Variants in DAPL1 observed in about 807,000 individuals in gnomAD.
DAPL1 encodes the protein death associated protein like 1, also known as death-associated protein-like 1.
DAPL1 carries 17 observed loss-of-function variants against 12.9 expected under a neutral mutation model. That is an observed-to-expected ratio of 1.32 (90% CI 0.90 to 1.98). The LOEUF is 1.98. Among genes scored for constraint, DAPL1 ranks in the 30% most tolerant of loss-of-function variants. DAPL1 has a pLI of 0.00. For synonymous variants in DAPL1, 51 were observed against 42.0 expected (o/e 1.21, Z -0.82); for missense variants, 157 against 125.7 (o/e 1.25, Z -1.19).
intron 2 of DAPL1, among the ~76,000 whole-genome samples, chr2:158,806,799 G>T (rs2059204281): frequency 6.6e-6 from 1 of 151,360 alleles, no homozygotes; most frequent in Non-Finnish European, 1.5e-5. Flanking sequence ...TCATACCATT[G>T]CACTCCAGCT....
At chr2:158,797,894 T>C (rs2059143812) in intron 1 of DAPL1, among the ~76,000 whole-genome samples, 1 of 152,210 alleles carries the variant, frequency 6.6e-6, no homozygotes, top group Non-Finnish European at 1.5e-5. Flanking sequence ...TATAATATAT[T>C]GCATCTCTGA....
At chr2:158,801,487 T>C (rs958190399) in intron 1 of DAPL1, among the ~76,000 whole-genome samples, 2 of 152,202 alleles carry the variant, frequency 1.3e-5, no homozygotes, top group Non-Finnish European at 2.9e-5. Flanking sequence ...ATTCCATGGC[T>C]ATTCAGAAAT....
intron 1 of DAPL1, among the ~76,000 whole-genome samples, chr2:158,800,119 T>G (rs560155740): frequency 3.2e-4 from 49 of 152,148 alleles, no homozygotes; most frequent in African/African-American, 1.2e-3. Context: ...CTTATGCTCT[T>G]TCCAAAGAGA....
chr2:158,815,843 G>T lies in DAPL1; in HGVS notation c.*22G>T. 6.5e-7 allele frequency: 1 copy of T among 1,543,576 alleles called. No individual in the cohort carries two copies. The highest frequency in any genetic ancestry group is 9.0e-7 in the Non-Finnish European group (1 of 1,115,572). ...TTAAGCCTGGATTTAAAACACAGCC[G>T]TCTGGCCAGCTGCCTCGAATATCTG... On this transcript the variant is annotated 3_prime_UTR_variant, in exon 4 of 4. Coordinates refer to ENST00000309950, the MANE Select transcript of DAPL1 (RefSeq NM_001017920.3).
intron 1 of DAPL1, among the ~76,000 whole-genome samples, chr2:158,803,497 G>C (rs1427195435): frequency 2.6e-5 from 4 of 152,210 alleles, no homozygotes; most frequent in African/African-American, 9.7e-5. Flanking sequence ...GAGCTTGTCA[G>C]ATTTTAGATG....
intron 3 of DAPL1, among the ~76,000 whole-genome samples, chr2:158,812,076 A>G (rs2059233971): frequency 6.6e-6 from 1 of 152,208 alleles, no homozygotes; most frequent in African/African-American, 2.4e-5. Context: ...TGACTGAGGC[A>G]GGTAGGGAGA....
At chr2:158,811,486 G>T (rs1020908514) in intron 3 of DAPL1, among the ~76,000 whole-genome samples, 4 of 152,136 alleles carry the variant, frequency 2.6e-5, no homozygotes, top group African/African-American at 9.7e-5. Context: ...ATTTTCTTGC[G>T]TCTAGAATTT....
chr2:158,795,705 A>T (rs189339185), intron 1 of DAPL1, among the ~76,000 whole-genome samples: 97 of 152,240 alleles, frequency 6.4e-4, no homozygotes, highest in Admixed American at 6.2e-3. Flanking sequence ...GAGAGGTTGC[A>T]CCTTTCCTCC....
At chr2:158,801,329 G>A (rs1391479805) in intron 1 of DAPL1, among the ~76,000 whole-genome samples, 2 of 152,218 alleles carry the variant, frequency 1.3e-5, no homozygotes, top group East Asian at 3.9e-4. Flanking sequence ...ATACTGTTGG[G>A]AGGTGTATCA....
chr2:158,806,500 T>C (rs1049953942), intron 2 of DAPL1, among the ~76,000 whole-genome samples: 21 of 152,100 alleles, frequency 1.4e-4, no homozygotes, highest in African/African-American at 4.6e-4. Flanking sequence ...GCTTATAGCA[T>C]GTGCATGTTT....
intron 3 of DAPL1, among the ~76,000 whole-genome samples, chr2:158,810,284 A>T (rs2059223648): frequency 6.6e-6 from 1 of 152,188 alleles, no homozygotes; most frequent in African/African-American, 2.4e-5. Context: ...ATGTATTGCC[A>T]CAGAGACCTA....
chr2:158,803,168 C>A (rs1440491264), intron 1 of DAPL1, among the ~76,000 whole-genome samples: 1 of 152,104 alleles, frequency 6.6e-6, no homozygotes. Flanking sequence ...GATGAAGACA[C>A]AGGAAGCTTA....
Position 158,804,282 on chromosome 2 carries a change from T to C in DAPL1, c.59T>C (p.Val20Ala). The change falls in exon 2 of 4, where the codon GTA becomes GCA. Residue 20 changes from valine to alanine, a missense_variant and splice_region_variant. By Grantham distance (64) the Val-to-Ala change is moderately conservative. Transcript: ENST00000309950. ...CATGCTGATTTTTATCTGTTTGTAGTAAAAGCTGGAGGAATGAGAATTTCC... is the reference window on the plus strand; with the variant it reads ...CATGCTGATTTTTATCTGTTTGTAGCAAAAGCTGGAGGAATGAGAATTTCC... ...SPRKGGHPPA[V>A]KAGGMRISKK... 2 of 1,604,264 alleles carry C rather than the reference T, an allele frequency of 1.2e-6. No individual in the cohort carries two copies. The highest frequency in any genetic ancestry group is 1.7e-6 in the Non-Finnish European group (2 of 1,173,682).
intron 3 of DAPL1, among the ~76,000 whole-genome samples, chr2:158,813,945 A>T (rs59080570): frequency 0.014 from 2,182 of 152,172 alleles, 51 homozygotes; most frequent in African/African-American, 0.05. Context: ...TTTCAGTCCC[A>T]ACTTGTCCTC....
chr2:158,809,464 G>A (rs547936369), intron 3 of DAPL1, among the ~76,000 whole-genome samples: 15 of 152,194 alleles, frequency 9.9e-5, no homozygotes, highest in African/African-American at 3.1e-4. Context: ...AAGATTGCAC[G>A]GGTTACTGGT....
At chr2:158,808,430 A>T (rs1490307334) in intron 3 of DAPL1, among the ~76,000 whole-genome samples, 1 of 152,230 alleles carries the variant, frequency 6.6e-6, no homozygotes, top group East Asian at 1.9e-4. Context: ...GTCTTGGAAG[A>T]GTCTCAGCAC....
In DAPL1 at chr2:158,804,262, T is replaced by C; in HGVS notation, c.59-20T>C. On this transcript the variant is annotated intron_variant, in intron 1 of 3. Coordinates refer to ENST00000309950, the MANE Select transcript of DAPL1 (RefSeq NM_001017920.3). ...TCTCTCACTGTTCTAACTTCCATGCTGATTTTTATCTGTTTGTAGTAAAAG... is the reference window on the plus strand; with the variant it reads ...TCTCTCACTGTTCTAACTTCCATGCCGATTTTTATCTGTTTGTAGTAAAAG... 6.4e-7 allele frequency: 1 copy of C among 1,567,362 alleles called. No homozygotes were observed. The highest frequency in any genetic ancestry group is 8.7e-7 in the Non-Finnish European group (1 of 1,143,982).
At chr2:158,800,187 C>T (rs1199493920) in intron 1 of DAPL1, among the ~76,000 whole-genome samples, 1 of 151,966 alleles carries the variant, frequency 6.6e-6, no homozygotes, top group Non-Finnish European at 1.5e-5. Context: ...ATAATAAGGA[C>T]TTTATAATAA....
chr2:158,797,084 T>C (rs2105146655), intron 1 of DAPL1, among the ~76,000 whole-genome samples: 1 of 152,344 alleles, frequency 6.6e-6, no homozygotes. Context: ...AATTTTTCAC[T>C]TGATTTTTAT....
Sources: gnomAD v4.1 joint callset for allele counts (sites outside exome capture counted in the v4.1 genomes callset) on GRCh38, gnomAD v4.1.1 for gene constraint, MANE v1.5 for transcripts, NCBI Gene and HGNC (gene_info 2026-07-23, HGNC 2026-07-21) for gene names.